Variants in HCN1 observed in about 807,000 individuals in gnomAD.
HCN1 encodes potassium/sodium hyperpolarization-activated cyclic nucleotide-gated channel 1.
Under a neutral mutation model 78.9 loss-of-function variants are expected in HCN1, and 13 were observed. The ratio of observed to expected loss-of-function variants is 0.16; its 90% confidence interval spans 0.11 to 0.26. The LOEUF (loss-of-function observed/expected upper bound fraction) is 0.26, where lower values mean the gene tolerates loss of function less well. Ranked by LOEUF, HCN1 falls within the 10% of genes least tolerant of loss-of-function variation. The pLI, the probability that HCN1 is intolerant of heterozygous loss-of-function variation, is 1.00. For synonymous variants in HCN1, 552 were observed against 455.5 expected, an observed-to-expected ratio of 1.21 and a Z score of -2.70; for missense variants, 810 against 1,154.3, an observed-to-expected ratio of 0.70 and a Z score of 4.32.
At chr5:45,489,851 A>T (rs918449038) in intron 2 of HCN1, among the ~76,000 whole-genome samples, 3 of 152,192 alleles carry the variant, frequency 2.0e-5, no homozygotes, top group Non-Finnish European at 2.9e-5. Flanking sequence ...ATGACAAAAC[A>T]TGACAAACAA....
intron 2 of HCN1, among the ~76,000 whole-genome samples, chr5:45,562,745 A>G (rs1743630100): frequency 6.6e-6 from 1 of 152,204 alleles, no homozygotes; most frequent in Admixed American, 6.5e-5. Context: ...TTTTCTTTCT[A>G]CACGTCACTC....
intron 5 of HCN1, among the ~76,000 whole-genome samples, chr5:45,332,944 C>A (rs1746376428): frequency 6.6e-6 from 1 of 151,686 alleles, no homozygotes; most frequent in Admixed American, 6.6e-5. Flanking sequence ...AGTGCTGCAA[C>A]AAACATGGAA....
At chr5:45,679,721 T>TA (rs1391315698) in intron 1 of HCN1, among the ~76,000 whole-genome samples, 1 of 152,218 alleles carries the variant, frequency 6.6e-6, no homozygotes, top group African/African-American at 2.4e-5. Context: ...AGTAGATATT[T>TA]AAAAAATCAC....
intron 6 of HCN1, among the ~76,000 whole-genome samples, chr5:45,268,064 C>G (rs1341357270): frequency 6.6e-6 from 1 of 152,096 alleles, no homozygotes; most frequent in African/African-American, 2.4e-5. Flanking sequence ...GTCCTATGAT[C>G]AAACAAAGCT....
intron 1 of HCN1, among the ~76,000 whole-genome samples, chr5:45,677,137 A>G (rs2112083356): frequency 6.6e-6 from 1 of 151,870 alleles, no homozygotes; most frequent in Non-Finnish European, 1.5e-5. Context: ...AACCCCTTGG[A>G]TTAGATGAAA....
chr5:45,346,345 G>C (rs1243747718), intron 5 of HCN1, among the ~76,000 whole-genome samples: 1 of 152,178 alleles, frequency 6.6e-6, no homozygotes. Flanking sequence ...AGAAAGGAGA[G>C]GGCAAAGAAG....
intron 5 of HCN1, among the ~76,000 whole-genome samples, chr5:45,351,127 A>T (rs1746891253): frequency 1.3e-5 from 2 of 152,234 alleles, no homozygotes; most frequent in South Asian, 4.1e-4. Context: ...TTCAAACTAT[A>T]CTACAAGTCT....
chr5:45,543,244 G>C (rs1359691254), intron 2 of HCN1, among the ~76,000 whole-genome samples: 1 of 151,782 alleles, frequency 6.6e-6, no homozygotes, highest in East Asian at 1.9e-4. Flanking sequence ...TATGTACCAA[G>C]AACCAAAGAT....
chr5:45,683,133 TTTA>T (rs1554039463), intron 1 of HCN1, among the ~76,000 whole-genome samples: 255 of 81,360 alleles, frequency 3.1e-3, no homozygotes, highest in South Asian at 0.01. Context: ...AATTAATTTT[TTTA>T]TTTTTTTTTA....
chr5:45,277,137 G>A (rs992779820), intron 6 of HCN1, among the ~76,000 whole-genome samples: 5 of 152,074 alleles, frequency 3.3e-5, no homozygotes, highest in African/African-American at 1.2e-4. Flanking sequence ...ACATGGAATA[G>A]AGTGGAGAGT....
At chr5:45,586,681 G>T (rs1471430036) in intron 2 of HCN1, among the ~76,000 whole-genome samples, 2 of 151,934 alleles carry the variant, frequency 1.3e-5, no homozygotes, top group Non-Finnish European at 2.9e-5. Flanking sequence ...TCCTATTGTT[G>T]TTTTAAGCCA....
intron 1 of HCN1, among the ~76,000 whole-genome samples, chr5:45,675,030 T>C (rs942920582): frequency 6.6e-6 from 1 of 151,812 alleles, no homozygotes; most frequent in African/African-American, 2.4e-5. Context: ...CTATTGCTAC[T>C]TAGAAAATAT....
chr5:45,426,290 T>C (rs1444864517), intron 3 of HCN1, among the ~76,000 whole-genome samples: 1 of 152,174 alleles, frequency 6.6e-6, no homozygotes, highest in Non-Finnish European at 1.5e-5. Context: ...ATGTGAATGG[T>C]TAGTCATGGA....
intron 2 of HCN1, among the ~76,000 whole-genome samples, chr5:45,487,520 T>C (rs1301089817): frequency 1.3e-5 from 2 of 150,888 alleles, no homozygotes; most frequent in Admixed American, 6.6e-5. Flanking sequence ...CTAGGCCATT[T>C]CAAAATTAAA....
intron 2 of HCN1, among the ~76,000 whole-genome samples, chr5:45,545,019 G>A (rs187572434): frequency 0.072 from 10,949 of 152,024 alleles, 576 homozygotes; most frequent in Middle Eastern, 0.15. Context: ...CTGAGGAATC[G>A]CCACACTGAC....
chr5:45,633,863 C>T (rs913434608), intron 2 of HCN1, among the ~76,000 whole-genome samples: 5 of 151,992 alleles, frequency 3.3e-5, no homozygotes, highest in Non-Finnish European at 7.4e-5. Flanking sequence ...CAGCATTTTA[C>T]CACGACATGT....
At chr5:45,385,631 G>A (rs185797190) in intron 4 of HCN1, among the ~76,000 whole-genome samples, 3 of 145,992 alleles carry the variant, frequency 2.1e-5, no homozygotes, top group East Asian at 3.9e-4. Flanking sequence ...AATATTTACC[G>A]TATTTGCAAG....
chr5:45,591,774 C>A (rs573944529), intron 2 of HCN1, among the ~76,000 whole-genome samples: 11 of 152,214 alleles, frequency 7.2e-5, no homozygotes, highest in Admixed American at 2.0e-4. Flanking sequence ...TTTCACAGAG[C>A]AGAAGTTTTA....
chr5:45,425,645 T>C (rs1019562124), intron 3 of HCN1, among the ~76,000 whole-genome samples: 3 of 152,140 alleles, frequency 2.0e-5, no homozygotes, highest in African/African-American at 7.2e-5. Context: ...AGTAATGAAG[T>C]AGTTTGAGCC....
Sources: gnomAD v4.1 joint callset for allele counts (sites outside exome capture counted in the v4.1 genomes callset) on GRCh38, gnomAD v4.1.1 for gene constraint, MANE v1.5 for transcripts, NCBI Gene and HGNC (gene_info 2026-07-23, HGNC 2026-07-21) for gene names.